The following C12orf76 variants were observed in gnomAD, a reference collection of about 807,000 sequenced individuals.
The protein encoded by C12orf76 is chromosome 12 open reading frame 76.
C12orf76 carries 6 observed loss-of-function variants against 6.8 expected under a neutral mutation model. That is an observed-to-expected ratio of 0.88 (90% confidence interval 0.48 to 1.73). The LOEUF is 1.73. C12orf76 is among the 40% of genes most tolerant of loss of function. The probability of loss-of-function intolerance (pLI) is 0.01; values close to 1 mark genes in which losing one functional copy is unlikely to be tolerated. For synonymous variants in C12orf76, 56 were observed against 43.7 expected, an observed-to-expected ratio of 1.28 and a Z score of -1.11; for missense variants, 99 against 98.2, an observed-to-expected ratio of 1.01 and a Z score of -0.03.
chr12:110,066,285 C>T (rs12426216), intron 1 of C12orf76, among the ~76,000 whole-genome samples: 28,338 of 140,024 alleles, frequency 0.2, 3,168 homozygotes, highest in Admixed American at 0.32. Context: ...GGCAGAATCA[C>T]GTGAATCCAG....
At chr12:110,072,957 AAAAAGAAAAAAG>A (rs1324220611) in intron 1 of C12orf76, among the ~76,000 whole-genome samples, 1 of 151,924 alleles carries the variant, frequency 6.6e-6, no homozygotes, top group Admixed American at 6.6e-5. Context: ...TCAAAAAAAA[AAAAAGAAAAAAG>A]AAAAGAAAAA....
intron 4 of C12orf76, chr12:110,057,086 T>C (rs531127267): frequency 3.0e-4 from 222 of 749,016 alleles, no homozygotes; most frequent in Non-Finnish European, 4.7e-4. Flanking sequence ...CTCAGGCTGC[T>C]TGTGCTGGAC....
At chr12:110,057,135 T>C in intron 4 of C12orf76, 1 of 1,267,044 alleles carries the variant, frequency 7.9e-7, no homozygotes, top group East Asian at 2.3e-5. Context: ...ATAAAGTTGT[T>C]CTTCAGAGTC....
At chr12:110,044,056 C>T (rs1892386581) in intron 1 of C12orf76, 1 of 151,356 alleles carries the variant, frequency 6.6e-6, no homozygotes, top group African/African-American at 2.4e-5. Context: ...ACTAGCGTAA[C>T]CAGCAACCTG....
intron 1 of C12orf76, among the ~76,000 whole-genome samples, chr12:110,073,091 C>T (rs1272389438): frequency 6.6e-6 from 1 of 152,174 alleles, no homozygotes; most frequent in Non-Finnish European, 1.5e-5. Flanking sequence ...ACCAGGAGTG[C>T]CCTGAGATCC....
chr12:110,056,990 G>A (rs2137229798), intron 4 of C12orf76: 1 of 585,256 alleles, frequency 1.7e-6, no homozygotes, highest in Non-Finnish European at 3.1e-6. Context: ...ATCCATCAAG[G>A]GGCACTCACA....
upstream of C12orf76, among the ~76,000 whole-genome samples, chr12:110,071,908 T>A (rs1593253391): frequency 6.6e-6 from 1 of 152,156 alleles, no homozygotes; most frequent in African/African-American, 2.4e-5. Context: ...CCACAGTTCC[T>A]CCAAGGGTGA....
chr12:110,047,576 C>T (rs1892482714), intron 1 of C12orf76, among the ~76,000 whole-genome samples: 1 of 150,932 alleles, frequency 6.6e-6, no homozygotes, highest in African/African-American at 2.4e-5. Context: ...GCTACTCGCC[C>T]GGGATGCTGA....
chr12:110,072,773 A>G (rs145595150), intron 1 of C12orf76, among the ~76,000 whole-genome samples: 2 of 152,016 alleles, frequency 1.3e-5, no homozygotes, highest in African/African-American at 4.8e-5. Context: ...AAATACAAAA[A>G]TTAGCTGGGC....
chr12:110,068,329 A>AAGAAGAAGAAGAAGG (rs1157443112), upstream of C12orf76, among the ~76,000 whole-genome samples: 26 of 127,210 alleles, frequency 2.0e-4, 1 homozygote, highest in African/African-American at 6.7e-4. Context: ...GAAGAAGAAG[A>AAGAAGAAGAAGAAGG]AGGCGGCCAA....
intron 1 of C12orf76, among the ~76,000 whole-genome samples, chr12:110,043,373 GA>G (rs61073586): frequency 0.19 from 27,438 of 144,960 alleles, 4,655 homozygotes; most frequent in African/African-American, 0.47. Context: ...GATTTAGTCG[GA>G]AAAAAAAAAA....
chr12:110,069,768 G>T (rs1421415008), upstream of C12orf76, among the ~76,000 whole-genome samples: 1 of 152,078 alleles, frequency 6.6e-6, no homozygotes, highest in South Asian at 2.1e-4. Context: ...CTTACTCCAG[G>T]GAACCCAGTT....
chr12:110,068,308 AAGAAGAAGAAGAAGAAGAAG>A (rs1892912540), upstream of C12orf76, among the ~76,000 whole-genome samples: 1 of 146,068 alleles, frequency 6.8e-6, no homozygotes, highest in African/African-American at 2.5e-5. Context: ...GAAGAAGAAG[AAGAAGAAGAAGAAGAAGAAG>A]AAGGCGGCCA....
upstream of C12orf76, among the ~76,000 whole-genome samples, chr12:110,072,591 T>C (rs1472621670): frequency 6.6e-6 from 1 of 151,808 alleles, no homozygotes; most frequent in Non-Finnish European, 1.5e-5. Context: ...ATTGTACCCT[T>C]AAATGGTGAA....
upstream of C12orf76, among the ~76,000 whole-genome samples, chr12:110,070,162 T>G (rs1472569080): frequency 6.7e-6 from 1 of 150,198 alleles, no homozygotes. Context: ...TGCTTGAACC[T>G]GGGAAGCAGA....
rs1892338228 is a variant in C12orf76, at chr12:110,042,401, A to G, written c.192T>C (p.Cys64=). 5 of 1,614,086 alleles carry G rather than the reference A, an allele frequency of 3.1e-6. No individual in the cohort carries two copies. The highest frequency in any genetic ancestry group is 4.2e-6 in the Non-Finnish European group (5 of 1,180,020). ...LLVTVILMAF[C]VYKPIRRR is the part of the protein sequence containing the mutation. ...ACCGACGCCGAATGGGCTTGTAGAC[A>G]CAAAATGCCATAAGGATGACAGTCA... Residue 64 remains cysteine (C), a synonymous_variant, in exon 2 of 2, where the codon TGT becomes TGC. Coordinates refer to ENST00000615315, the MANE Select transcript of C12orf76 (RefSeq NM_001389625.1).
upstream of C12orf76, among the ~76,000 whole-genome samples, chr12:110,054,199 A>G (rs1892632825): frequency 6.6e-6 from 1 of 152,248 alleles, no homozygotes; most frequent in African/African-American, 2.4e-5. This position sits in a 1 kb window ranked among gnomAD's most constrained non-coding sequence, Gnocchi z 4.4. Context: ...AGCAAGCTGC[A>G]GTGTGATATA....
At chr12:110,060,706 G>A (rs1050780377) in intron 2 of C12orf76, among the ~76,000 whole-genome samples, 5 of 152,062 alleles carry the variant, frequency 3.3e-5, no homozygotes, top group Admixed American at 1.3e-4. Flanking sequence ...CTTCTTCCAT[G>A]GTTCTAGTTC....
upstream of C12orf76, among the ~76,000 whole-genome samples, chr12:110,068,548 G>C (rs1892922395): frequency 2.0e-5 from 3 of 152,182 alleles, no homozygotes. Flanking sequence ...ACATAGACCT[G>C]CTTAGCATCC....
Sources: allele counts gnomAD v4.1 joint callset (sites outside exome capture counted in the v4.1 genomes callset), GRCh38; gene constraint gnomAD v4.1.1; non-coding constraint Gnocchi (gnomAD v3.1); transcripts MANE v1.5; gene names NCBI Gene and HGNC (gene_info 2026-07-23, HGNC 2026-07-21).